LDAH: variants seen among roughly 807,000 people sequenced by gnomAD.
LDAH encodes the protein lipid droplet-associated hydrolase.
In LDAH, 26 loss-of-function variants were observed where a neutral mutation model predicts 29.6. The ratio of observed to expected loss-of-function variants is 0.88; its 90% CI spans 0.64 to 1.22. LDAH has a LOEUF of 1.22. LDAH is among the 50% of genes most tolerant of loss of function. LDAH has a pLI of 0.00. For missense variants in LDAH, 344 were observed against 387.3 expected, an observed-to-expected ratio of 0.89 and a Z score of 0.94; for synonymous variants, 117 against 133.0, an observed-to-expected ratio of 0.88 and a Z score of 0.83.
At chr2:20,724,304 G>A (rs57926410) in intron 5 of LDAH, among the ~76,000 whole-genome samples, 1,857 of 152,218 alleles carry the variant, frequency 0.012, 40 homozygotes, top group African/African-American at 0.042. Context: ...TCTGATTTAT[G>A]ATAGCCCTAT....
chr2:20,697,952 TATC>T (rs983100577), intron 6 of LDAH, among the ~76,000 whole-genome samples: 12 of 152,212 alleles, frequency 7.9e-5, no homozygotes, highest in African/African-American at 2.4e-5. Context: ...ACATTATACT[TATC>T]ATTACAAATT....
intron 1 of LDAH, among the ~76,000 whole-genome samples, chr2:20,820,374 G>T (rs1558510548): frequency 6.6e-6 from 1 of 152,132 alleles, no homozygotes; most frequent in South Asian, 2.1e-4. Flanking sequence ...ATACTACAAG[G>T]CTACAGTAAC....
Position 20,698,462 on chromosome 2 carries a change from G to C in LDAH, c.786+3108C>G, listed in dbSNP as rs894332235. 6.6e-6 allele frequency among the ~76,000 whole-genome samples: 1 copy of C among 152,134 alleles called. No individual in the cohort carries two copies. The highest frequency in any genetic ancestry group is 1.5e-5 in the Non-Finnish European group (1 of 68,022). ...CCCAGCACCTTGGGAGGCCGAGGCC[G>C]GTAAATCACAAGGTCAGGAGTTTGA... is the stretch of plus-strand genomic sequence containing the variant. On this transcript the variant is annotated intron_variant, in intron 6 of 6. Transcript: ENST00000237822. The surrounding 1 kb of genome is among the most constrained non-coding windows in gnomAD (Gnocchi z 4.4).
chr2:20,726,930 T>A (rs1666060415), intron 5 of LDAH, among the ~76,000 whole-genome samples: 1 of 152,236 alleles, frequency 6.6e-6, no homozygotes, highest in Non-Finnish European at 1.5e-5. Context: ...TTCATTGCGC[T>A]ATTAACTTCT....
In LDAH at chr2:20,744,933, G is replaced by A. The variant is rs1274670744; in HGVS notation, c.469-4728C>T. Among the ~76,000 whole-genome samples the A allele has an allele frequency of 3.3e-5, 5 of 151,970 alleles. No homozygotes were observed. The East Asian group carries it at 7.7e-4, about 23-fold the overall frequency. On this transcript the variant is annotated intron_variant, in intron 4 of 6. Coordinates refer to ENST00000237822, the MANE Select transcript of LDAH (RefSeq NM_021925.4). ...CATGCTCTAGTAACTTGTGGCTCTC[G>A]GTATTTGCCAGTCTGTCTCTCTAGT... is the stretch of plus-strand genomic sequence containing the variant.
rs572755415 is a variant in LDAH at position 20,716,155 on chromosome 2, G to A, written c.704-14503C>T. ...GAGTGTAAATTAGTTCAACCATTGCGGAAGACAGTGTGGCAATTCCTCAAG... is the reference window on the plus strand; with the variant it reads ...GAGTGTAAATTAGTTCAACCATTGCAGAAGACAGTGTGGCAATTCCTCAAG... On this transcript the variant is annotated intron_variant, in intron 5 of 6. Transcript: ENST00000237822. 1.4e-4 allele frequency among the ~76,000 whole-genome samples: 22 copies of A among 152,224 alleles called. No homozygotes were observed. In the South Asian group the frequency reaches 3.1e-3, roughly 22 times the overall value.
intron 5 of LDAH, among the ~76,000 whole-genome samples, chr2:20,710,737 TTATACACATATACATATA>T (rs1259385161): frequency 1.4e-5 from 2 of 147,978 alleles, no homozygotes; most frequent in African/African-American, 4.9e-5. Flanking sequence ...TACATATATA[TTATACACATATACATATA>T]TATACACATA....
chr2:20,821,353 C>T (rs1673275560), intron 1 of LDAH, among the ~76,000 whole-genome samples: 1 of 152,206 alleles, frequency 6.6e-6, no homozygotes, highest in Admixed American at 6.6e-5. Flanking sequence ...ATAGCAAAGA[C>T]TTGGAACCAA....
At position 20,698,120 on chromosome 2, in the gene LDAH, CCA is replaced by C. The variant is rs1017706198; in HGVS notation, c.786+3448_786+3449del. On this transcript the variant is annotated intron_variant, in intron 6 of 6. Transcript: ENST00000237822. This position sits in a 1 kb window ranked among gnomAD's most constrained non-coding sequence, Gnocchi z 4.4. ...GCATGGCACAAAAAAGGTTTAGAATCCACACTCTAGTTAATGGCGTCCCCATC... is the reference window on the plus strand; with the variant it reads ...GCATGGCACAAAAAAGGTTTAGAATCCACTCTAGTTAATGGCGTCCCCATC... Among the ~76,000 whole-genome samples, 19 of 152,142 alleles carry C rather than the reference CCA, an allele frequency of 1.2e-4. No individual in the cohort carries two copies. Among genetic ancestry groups the C allele is most frequent in the African/African-American group, 4.6e-4 (19 of 41,430 alleles).
intron 5 of LDAH, among the ~76,000 whole-genome samples, chr2:20,729,772 TATA>T (rs1666267253): frequency 6.6e-6 from 1 of 152,186 alleles, no homozygotes; most frequent in Non-Finnish European, 1.5e-5. Context: ...AAAACCACAG[TATA>T]ATGTTACAGC....
chr2:20,809,919 T>C (rs951117357), intron 1 of LDAH, among the ~76,000 whole-genome samples: 1 of 152,198 alleles, frequency 6.6e-6, no homozygotes, highest in Admixed American at 6.5e-5. Flanking sequence ...AAACAGGTTT[T>C]CCAAGGAACA....
intron 2 of LDAH, among the ~76,000 whole-genome samples, chr2:20,791,219 G>C (rs189224391): frequency 6.6e-6 from 1 of 152,198 alleles, no homozygotes; most frequent in African/African-American, 2.4e-5. Flanking sequence ...AAGTGGTTAA[G>C]AGCATAGACT....
In LDAH at chr2:20,789,074, T is replaced by C; in HGVS notation, c.298+1181A>G. The C allele has an allele frequency of 4.0e-6, 6 of 1,512,068 alleles. No individual in the cohort carries two copies. In the South Asian group the frequency reaches 6.1e-5, roughly 15 times the overall value. The allele number at this position is 1,512,068 out of a possible 1,614,324, so 93.7% of individuals were successfully genotyped here. ...TATTAAATCTTGCTCCCTTCTGTGCTACTCTTTCTGTCTGTTGTACCTCTG... is the reference window on the plus strand; with the variant it reads ...TATTAAATCTTGCTCCCTTCTGTGCCACTCTTTCTGTCTGTTGTACCTCTG... On this transcript the variant is annotated intron_variant, in intron 3 of 6. Transcript: ENST00000237822.
Position 20,774,784 on chromosome 2 carries a change from ACAGTTAC to A in LDAH, c.468+19_468+25del. 6.2e-7 allele frequency: 1 copy of A among 1,611,162 alleles called. No individual in the cohort carries two copies. Among genetic ancestry groups the A allele is most frequent in the South Asian group, 1.1e-5 (1 of 90,870 alleles). ...TGTGCAGGCACACAGTCCAGCACCC[ACAGTTAC>A]CTCTGGAGACCTACTTACCGGGAGC... On this transcript the variant is annotated intron_variant, in intron 4 of 6. Transcript: ENST00000237822.
At chr2:20,802,980 C>T (rs1671808851) in intron 1 of LDAH, among the ~76,000 whole-genome samples, 1 of 152,192 alleles carries the variant, frequency 6.6e-6, no homozygotes, top group African/African-American at 2.4e-5. Flanking sequence ...TATTTTACCC[C>T]TCCACTGTTC....
chr2:20,722,750 A>G (rs367557744), intron 5 of LDAH, among the ~76,000 whole-genome samples: 3 of 152,222 alleles, frequency 2.0e-5, no homozygotes, highest in East Asian at 3.8e-4. Flanking sequence ...ACAATCTCAA[A>G]ATATTTTTTA....
intron 1 of LDAH, among the ~76,000 whole-genome samples, chr2:20,809,631 T>C (rs368659589): frequency 6.6e-5 from 10 of 152,194 alleles, no homozygotes; most frequent in South Asian, 2.1e-4. Context: ...AACATGCACA[T>C]ATCCAGAATT....
intron 2 of LDAH, among the ~76,000 whole-genome samples, chr2:20,798,801 G>T (rs1671478508): frequency 6.6e-6 from 1 of 151,982 alleles, no homozygotes; most frequent in Admixed American, 6.6e-5. Flanking sequence ...AGAATTGCTT[G>T]AACCCGGGAG....
intron 4 of LDAH, among the ~76,000 whole-genome samples, chr2:20,759,761 G>A (rs1668553299): frequency 1.3e-5 from 2 of 152,158 alleles, no homozygotes; most frequent in Non-Finnish European, 2.9e-5. Flanking sequence ...TGTCCACTGA[G>A]GCTCTATGAA....
Sources: allele counts gnomAD v4.1 joint callset (sites outside exome capture counted in the v4.1 genomes callset), GRCh38; gene constraint gnomAD v4.1.1; non-coding constraint Gnocchi (gnomAD v3.1); transcripts MANE v1.5; gene names NCBI Gene and HGNC (gene_info 2026-07-23, HGNC 2026-07-21).